Variants in KIF1A observed in about 807,000 individuals in gnomAD.
The protein encoded by KIF1A is kinesin family member 1A, also known as kinesin-like protein KIF1A.
KIF1A carries 46 observed loss-of-function variants against 227.3 expected under a neutral mutation model. The ratio of observed to expected loss-of-function variants is 0.20; its 90% confidence interval spans 0.16 to 0.26. The LOEUF (loss-of-function observed/expected upper bound fraction) is 0.26, where lower values mean the gene tolerates loss of function less well. Ranked by LOEUF, KIF1A falls within the 10% of genes least tolerant of loss-of-function variation. The pLI is 1.00. For missense variants in KIF1A, 1,683 were observed against 2,485.9 expected, an observed-to-expected ratio of 0.68 and a Z score of 6.87; for synonymous variants, 1,022 against 1,012.8, an observed-to-expected ratio of 1.01 and a Z score of -0.17.
intron 6 of KIF1A, 60 bp from the exon 7 acceptor site, chr2:240,785,160 C>G: frequency 7.3e-7 from 1 of 1,379,160 alleles, no homozygotes; most frequent in South Asian, 1.2e-5. Context: ...GCGAGATCGC[C>G]GGTGGTGCCA....
intron 5 of KIF1A, 22 bp from the exon 6 acceptor site, chr2:240,786,535 T>C: frequency 6.2e-7 from 1 of 1,608,584 alleles, no homozygotes; most frequent in Non-Finnish European, 8.5e-7. Flanking sequence ...AGCCAGGCCA[T>C]CAGGGGCCCC....
chr2:240,762,938 G>A (rs894257117), intron 22 of KIF1A, 81 bp downstream of exon 22: 1 of 1,370,376 alleles, frequency 7.3e-7, no homozygotes, highest in African/African-American at 1.4e-5. Flanking sequence ...AGGCAAGCAG[G>A]GAGGAGTGGG....
chr2:240,811,511 G>A (rs866621449), intron 1 of KIF1A, among the ~76,000 whole-genome samples: 1 of 152,106 alleles, frequency 6.6e-6, no homozygotes, highest in African/African-American at 2.4e-5. Flanking sequence ...TGAGGATGGG[G>A]GTCTGACACA....
rs60462300 is a variant in KIF1A, at chr2:240,778,511, TACACACACACAC to T, written c.883-2597_883-2586del. Reference sequence around the variant, plus strand: ...GGCGCTCGCAGCTCCCGCACAGCGTTACACACACACACACACACACACACACACACACAGGCT... The same window carrying T: ...GGCGCTCGCAGCTCCCGCACAGCGTTACACACACACACACACACACAGGCT... On this transcript the variant is annotated intron_variant, in intron 10 of 48. Coordinates refer to ENST00000498729, the MANE Select transcript of KIF1A (RefSeq NM_001244008.2). The surrounding 1 kb of genome is among the most constrained non-coding windows in gnomAD (Gnocchi z 7.2). Among the ~76,000 whole-genome samples the T allele has an allele frequency of 6.0e-5, 8 of 134,128 alleles. No homozygotes were observed. Among genetic ancestry groups the T allele is most frequent in the South Asian group, 4.9e-4 (2 of 4,062 alleles). 88.0% of individuals were successfully genotyped at this position (134,128 alleles called of 152,430 possible). A position where few individuals can be genotyped will look rare whatever the true frequency, so the allele number is the denominator to read the frequency against.
intron 2 of KIF1A, among the ~76,000 whole-genome samples, chr2:240,796,731 G>A (rs1446282843): frequency 6.6e-6 from 1 of 152,148 alleles, no homozygotes; most frequent in East Asian, 1.9e-4. Flanking sequence ...GCTTCTGGAA[G>A]GATCATCCCT....
At position 240,745,536 on chromosome 2, in the gene KIF1A, G is replaced by A. The variant is rs1228603086; in HGVS notation, c.3375-19C>T. 8.8e-6 allele frequency: 14 copies of A among 1,594,346 alleles called. No homozygotes were observed. The highest frequency in any genetic ancestry group is 1.2e-5 in the Non-Finnish European group (14 of 1,166,090). On this transcript the variant is annotated intron_variant, in intron 31 of 48. Transcript: ENST00000498729. Reference sequence around the variant, plus strand: ...GATGAAGCTGCAAAGCAGAGGAGATGCTTTGGTGTGGGGTGGGGGACTTGG... The same window carrying A: ...GATGAAGCTGCAAAGCAGAGGAGATACTTTGGTGTGGGGTGGGGGACTTGG...
At chr2:240,735,980 C>A (rs1327054308) in intron 38 of KIF1A, among the ~76,000 whole-genome samples, 1 of 151,476 alleles carries the variant, frequency 6.6e-6, no homozygotes, top group African/African-American at 2.4e-5. Flanking sequence ...CCAACCCCCA[C>A]CCCCCACTGT....
intron 38 of KIF1A, chr2:240,728,441 C>G: frequency 1.6e-6 from 2 of 1,285,846 alleles, no homozygotes; most frequent in Non-Finnish European, 2.1e-6. Context: ...AGGACACACA[C>G]GTACACATAC....
chr2:240,813,219 C>A (rs914930275), intron 1 of KIF1A, among the ~76,000 whole-genome samples: 5 of 152,252 alleles, frequency 3.3e-5, no homozygotes, highest in African/African-American at 9.6e-5. Context: ...GTCCTGGCCA[C>A]CCCTGGAGAG....
At chr2:240,787,969 G>T in intron 4 of KIF1A, 82 bp downstream of exon 4, 1 of 1,342,494 alleles carries the variant, frequency 7.4e-7, no homozygotes. Context: ...CTGCTCTCAG[G>T]GGTGCCTGGC....
intron 38 of KIF1A, among the ~76,000 whole-genome samples, chr2:240,728,609 C>T (rs1362397477): frequency 6.6e-6 from 1 of 152,254 alleles, no homozygotes; most frequent in Non-Finnish European, 1.5e-5. Context: ...CCTGGCCCTG[C>T]AGACACCCCC....
At chr2:240,786,765 G>GGCC (rs1559530023) in intron 5 of KIF1A, among the ~76,000 whole-genome samples, 11 of 117,726 alleles carry the variant, frequency 9.3e-5, no homozygotes, top group Middle Eastern at 4.1e-3. Context: ...AGAGGGTAGG[G>GGCC]GCCACCATCA....
At position 240,758,587 on chromosome 2, in the gene KIF1A, A is replaced by G; in HGVS notation, c.2445-90T>C. On this transcript the variant is annotated intron_variant, in intron 25 of 48. Transcript: ENST00000498729. The surrounding 1 kb of genome is among the most constrained non-coding windows in gnomAD (Gnocchi z 5.2). ...CTTATCTCCTGGGGACAGTGGGCTC[A>G]GCCTAGCTCTGGCCACCACATCCAG... The G allele has an allele frequency of 7.5e-7, 1 of 1,334,518 alleles. No individual in the cohort carries two copies. The highest frequency in any genetic ancestry group is 9.8e-7 in the Non-Finnish European group (1 of 1,019,122). 82.7% of individuals were successfully genotyped at this position (1,334,518 alleles called of 1,614,324 possible). A position where few individuals can be genotyped will look rare whatever the true frequency, so the allele number is the denominator to read the frequency against.
intron 1 of KIF1A, among the ~76,000 whole-genome samples, chr2:240,815,001 G>A (rs891835328): frequency 4.6e-5 from 7 of 152,190 alleles, no homozygotes; most frequent in South Asian, 2.1e-4. Flanking sequence ...CAGAGCTGAC[G>A]CAAAGGGTGT....
chr2:240,734,837 C>T, intron 38 of KIF1A: 1 of 935,864 alleles, frequency 1.1e-6, no homozygotes, highest in Non-Finnish European at 1.5e-6. Context: ...GGCCTGTGGC[C>T]ACAGGCCCAC....
chr2:240,770,171 A>G (rs1269959595), intron 15 of KIF1A, among the ~76,000 whole-genome samples: 1 of 152,050 alleles, frequency 6.6e-6, no homozygotes, highest in African/African-American at 2.4e-5. Context: ...CTTCCTCACA[A>G]CAGCCTCAGT....
intron 1 of KIF1A, among the ~76,000 whole-genome samples, chr2:240,809,245 T>C (rs1424748216): frequency 6.6e-6 from 1 of 152,112 alleles, no homozygotes; most frequent in African/African-American, 2.4e-5. Context: ...GAAATGTATA[T>C]GGTAGAGTAA....
chr2:240,803,533 C>A lies in KIF1A; in HGVS notation c.-60-5721G>T, dbSNP rs142071940. Among the ~76,000 whole-genome samples the A allele has an allele frequency of 7.4e-3, 1,126 of 152,252 alleles. 5 individuals are homozygous for A. The highest frequency in any genetic ancestry group is 0.011 in the Non-Finnish European group (776 of 68,014). On this transcript the variant is annotated intron_variant, in intron 1 of 48. Transcript: ENST00000498729. ...TTCATTCTTATGGGAGCGTTTAGGT[C>A]TTTTTTTGGTTTACCTTTACCTTTA...
intron 5 of KIF1A, 149 bp from the exon 6 acceptor site, chr2:240,786,662 G>GCCACCATCAGGACCCC (rs1559529458): frequency 1.5e-6 from 1 of 661,474 alleles, no homozygotes; most frequent in Non-Finnish European, 2.5e-6. Context: ...GAGTGAGGGG[G>GCCACCATCAGGACCCC]TGGGGGCCAC....
Sources: allele counts gnomAD v4.1 joint callset (sites outside exome capture counted in the v4.1 genomes callset), GRCh38; gene constraint gnomAD v4.1.1; non-coding constraint Gnocchi (gnomAD v3.1); transcripts MANE v1.5; gene names NCBI Gene and HGNC (gene_info 2026-07-23, HGNC 2026-07-21).